The following SRPK1 variants were observed in gnomAD, a reference collection of about 807,000 sequenced individuals.
The protein encoded by SRPK1 is SFRS protein kinase 1.
A neutral mutation model predicts 89.5 loss-of-function variants in SRPK1; 52 were observed. The ratio of observed to expected loss-of-function variants is 0.58; its 90% CI spans 0.46 to 0.73. SRPK1 has a LOEUF of 0.73. SRPK1 is among the 30% of genes least tolerant of loss of function. SRPK1 has a pLI of 0.00. For synonymous variants in SRPK1, 255 were observed against 270.2 expected, an observed-to-expected ratio of 0.94 and a Z score of 0.55; for missense variants, 603 against 780.6, an observed-to-expected ratio of 0.77 and a Z score of 2.71.
chr6:35,895,486 C>T (rs1350037656), intron 2 of SRPK1, among the ~76,000 whole-genome samples: 1 of 151,540 alleles, frequency 6.6e-6, no homozygotes, highest in Non-Finnish European at 1.5e-5. Context: ...CAGTTCCTGG[C>T]TCGTAACTCC....
rs140939292 is a variant in SRPK1, at chr6:35,833,863, C to G, written c.*1441G>C. On this transcript the variant is annotated 3_prime_UTR_variant, in exon 16 of 16. Transcript: ENST00000373825. ...CTTTCTGTAAATTCGAGTCCTACAGCCACTTCGAGAACGCTGCAATCCCCA... is the reference window on the plus strand; with the variant it reads ...CTTTCTGTAAATTCGAGTCCTACAGGCACTTCGAGAACGCTGCAATCCCCA... The G allele has an allele frequency of 2.6e-5, 4 of 152,444 alleles. No homozygotes were observed. In the East Asian group the frequency reaches 7.7e-4, roughly 29 times the overall value. 9.4% of individuals were successfully genotyped at this position (152,444 alleles called of 1,614,324 possible). A position where few individuals can be genotyped will look rare whatever the true frequency, so the allele number is the denominator to read the frequency against.
chr6:35,907,703 C>T (rs1417717467), intron 2 of SRPK1, among the ~76,000 whole-genome samples: 1 of 133,486 alleles, frequency 7.5e-6, no homozygotes, highest in African/African-American at 2.8e-5. Context: ...AAAACTCCGT[C>T]TCAAAAAATA....
intron 12 of SRPK1, among the ~76,000 whole-genome samples, chr6:35,857,910 T>A (rs1769699126): frequency 6.6e-6 from 1 of 152,218 alleles, no homozygotes; most frequent in Admixed American, 6.5e-5. Flanking sequence ...GAAGCCCTGG[T>A]GTATACTAGT....
intron 6 of SRPK1, among the ~76,000 whole-genome samples, chr6:35,878,409 C>G (rs1770203485): frequency 6.6e-6 from 1 of 152,194 alleles, no homozygotes; most frequent in Non-Finnish European, 1.5e-5. Context: ...TCTGTTTCCC[C>G]ACCTAGACAA....
At chr6:35,885,298 C>CAGAGAGAGAG (rs138504486) in intron 6 of SRPK1, among the ~76,000 whole-genome samples, 14 of 113,188 alleles carry the variant, frequency 1.2e-4, no homozygotes, top group East Asian at 1.2e-3. Context: ...CACACACACA[C>CAGAGAGAGAG]AGAGAGAGAG....
intron 9 of SRPK1, among the ~76,000 whole-genome samples, 195 bp downstream of exon 9, chr6:35,870,739 C>T (rs902178762): frequency 6.6e-6 from 1 of 152,066 alleles, no homozygotes; most frequent in African/African-American, 2.4e-5. Flanking sequence ...CAGACAAACT[C>T]GAATTTTTTA....
At chr6:35,842,446 C>A in intron 14 of SRPK1, 89 bp downstream of exon 14, 1 of 994,996 alleles carries the variant, frequency 1.0e-6, no homozygotes, top group Non-Finnish European at 1.5e-6. Context: ...ACTAACAAGA[C>A]TAAGGCTCTT....
intron 8 of SRPK1, among the ~76,000 whole-genome samples, chr6:35,871,253 T>C (rs954206728): frequency 1.3e-5 from 2 of 152,190 alleles, no homozygotes; most frequent in African/African-American, 2.4e-5. Context: ...CTGCTTAAAA[T>C]AGAATGGGAC....
chr6:35,843,598 ATG>A (rs1297377820), intron 13 of SRPK1, among the ~76,000 whole-genome samples: 1 of 150,346 alleles, frequency 6.7e-6, no homozygotes, highest in African/African-American at 2.4e-5. Context: ...CTACAGGTGC[ATG>A]CCACCACGCC....
At position 35,903,117 on chromosome 6, in the gene SRPK1, T is replaced by TA. The variant is rs1158055870; in HGVS notation, c.75-12105dup. Among the ~76,000 whole-genome samples, 629 of 141,790 alleles carry TA rather than the reference T, an allele frequency of 4.4e-3. 6 individuals are homozygous for TA. Among genetic ancestry groups the TA allele is most frequent in the Middle Eastern group, 0.011 (3 of 276 alleles). The allele number at this position is 141,790 out of a possible 152,430, so 93.0% of individuals were successfully genotyped here. A position where few individuals can be genotyped will look rare whatever the true frequency, so the allele number is the denominator to read the frequency against. On this transcript the variant is annotated intron_variant, in intron 2 of 15. Coordinates refer to ENST00000373825, the MANE Select transcript of SRPK1 (RefSeq NM_003137.5). ...AACACAGTGAGACCCTGTCTCTATT[T>TA]AAAAAAAAAAAAGCAAAGTGAATGA...
chr6:35,875,505 C>A (rs371102948), intron 6 of SRPK1, among the ~76,000 whole-genome samples: 20 of 152,058 alleles, frequency 1.3e-4, no homozygotes, highest in African/African-American at 4.8e-4. Context: ...TGAGCCACTG[C>A]GCCCGGCCAG....
chr6:35,883,737 A>AT (rs747075892), intron 6 of SRPK1, among the ~76,000 whole-genome samples: 2,701 of 143,282 alleles, frequency 0.019, 65 homozygotes, highest in African/African-American at 0.061. Flanking sequence ...TCACAAGGTT[A>AT]TTTTTTTTTT....
intron 2 of SRPK1, among the ~76,000 whole-genome samples, chr6:35,908,103 C>T (rs888774955): frequency 1.3e-5 from 2 of 152,086 alleles, no homozygotes; most frequent in Non-Finnish European, 2.9e-5. Flanking sequence ...TTTATATACC[C>T]GGTCTCAGGT....
rs1387284810 is a variant in SRPK1 at position 35,847,371 on chromosome 6, A to G, written c.1621-4767T>C. Among the ~76,000 whole-genome samples, 7 of 152,038 alleles carry G rather than the reference A, an allele frequency of 4.6e-5. No individual in the cohort carries two copies. The East Asian group carries it at 1.4e-3, about 29-fold the overall frequency. ...CAGGTATGTGCCACCACATCTGGCT[A>G]ATTTTTTCATTTCTTTTGGTAGAAA... On this transcript the variant is annotated intron_variant, in intron 13 of 15. Coordinates refer to ENST00000373825, the MANE Select transcript of SRPK1 (RefSeq NM_003137.5).
intron 13 of SRPK1, among the ~76,000 whole-genome samples, chr6:35,855,313 AC>A (rs1186197297): frequency 2.6e-5 from 4 of 152,058 alleles, no homozygotes; most frequent in Non-Finnish European, 5.9e-5. Flanking sequence ...GAAAAAAAAA[AC>A]AAACAAAAAC....
chr6:35,906,787 GCA>G (rs757092861), intron 2 of SRPK1, among the ~76,000 whole-genome samples: 6 of 152,080 alleles, frequency 3.9e-5, no homozygotes, highest in Admixed American at 6.6e-5. Context: ...CCACTGAATT[GCA>G]CAGTTAAAAT....
chr6:35,900,945 G>A (rs546090059), intron 2 of SRPK1, among the ~76,000 whole-genome samples: 1 of 152,116 alleles, frequency 6.6e-6, no homozygotes, highest in African/African-American at 2.4e-5. Flanking sequence ...CTTAAGCCCA[G>A]GAGTTCAAGG....
intron 6 of SRPK1, among the ~76,000 whole-genome samples, chr6:35,878,757 A>G (rs956553655): frequency 4.6e-5 from 7 of 152,088 alleles, no homozygotes; most frequent in Admixed American, 3.3e-4. Context: ...CTCTCCTTCA[A>G]TTTCTTTCTT....
chr6:35,861,190 G>C (rs1561974667), intron 12 of SRPK1, among the ~76,000 whole-genome samples: 1 of 152,208 alleles, frequency 6.6e-6, no homozygotes. Context: ...GTGATAGGAA[G>C]CACCAGAAGG....
Sources: gnomAD v4.1 joint callset for allele counts (sites outside exome capture counted in the v4.1 genomes callset) on GRCh38, gnomAD v4.1.1 for gene constraint, MANE v1.5 for transcripts, NCBI Gene and HGNC (gene_info 2026-07-23, HGNC 2026-07-21) for gene names.